Variants in CPQ observed in about 807,000 individuals in gnomAD.
The protein encoded by CPQ is Ser-Met dipeptidase.
Under a neutral mutation model 45.7 loss-of-function variants are expected in CPQ, and 37 were observed. That is an observed-to-expected ratio of 0.81 (90% CI 0.62 to 1.07). CPQ has a LOEUF of 1.07. Among genes scored for constraint, CPQ ranks in the 50% least tolerant of loss-of-function variants. CPQ has a pLI of 0.00. For missense variants in CPQ, 537 were observed against 572.9 expected, an observed-to-expected ratio of 0.94 and a Z score of 0.64; for synonymous variants, 186 against 205.8, an observed-to-expected ratio of 0.90 and a Z score of 0.82.
chr8:96,853,232 G>A, intron 3 of CPQ, among the ~76,000 whole-genome samples: 1 of 152,210 alleles, frequency 6.6e-6, no homozygotes, highest in Middle Eastern at 3.2e-3. Flanking sequence ...AAGGTATTTA[G>A]TAGAAGGTGT....
At chr8:96,855,184 A>G (rs1811830417) in intron 3 of CPQ, among the ~76,000 whole-genome samples, 1 of 152,188 alleles carries the variant, frequency 6.6e-6, no homozygotes, top group Non-Finnish European at 1.5e-5. Context: ...AGTTTAAATG[A>G]TAATCTCTTC....
chr8:96,998,272 A>G (rs1809209503), intron 5 of CPQ, among the ~76,000 whole-genome samples: 1 of 152,020 alleles, frequency 6.6e-6, no homozygotes, highest in South Asian at 2.1e-4. Flanking sequence ...GAACATGCAG[A>G]TTCAAAAGAC....
At chr8:97,058,453 T>G (rs1258254655) in intron 6 of CPQ, among the ~76,000 whole-genome samples, 1 of 152,060 alleles carries the variant, frequency 6.6e-6, no homozygotes, top group Non-Finnish European at 1.5e-5. Context: ...AAACACATCT[T>G]TATGTGTTGG....
intron 6 of CPQ, among the ~76,000 whole-genome samples, chr8:97,039,061 T>G (rs1380007023): frequency 6.6e-6 from 1 of 152,172 alleles, no homozygotes; most frequent in Non-Finnish European, 1.5e-5. Context: ...TTTACAAGGT[T>G]GCAGTTGTTT....
chr8:96,887,593 AC>A (rs1279673092), intron 4 of CPQ, among the ~76,000 whole-genome samples: 1 of 151,634 alleles, frequency 6.6e-6, no homozygotes, highest in Non-Finnish European at 1.5e-5. Flanking sequence ...CCTAAACTGG[AC>A]TCTCTCTCAC....
At chr8:96,784,841 C>T (rs1810739808) in intron 1 of CPQ, 23 bp from the exon 2 acceptor site, 2 of 1,504,896 alleles carry the variant, frequency 1.3e-6, no homozygotes, top group Non-Finnish European at 1.8e-6. Flanking sequence ...TCCCCTAAAA[C>T]ATAATGTTTC....
chr8:96,678,853 C>G (rs1809111148), intron 1 of CPQ, among the ~76,000 whole-genome samples: 1 of 141,314 alleles, frequency 7.1e-6, no homozygotes, highest in South Asian at 2.3e-4. Flanking sequence ...AATATTTTCT[C>G]TCATACTGCA....
intron 1 of CPQ, among the ~76,000 whole-genome samples, chr8:96,651,274 C>T (rs1280776456): frequency 6.6e-6 from 1 of 152,172 alleles, no homozygotes; most frequent in Non-Finnish European, 1.5e-5. Flanking sequence ...AGTTAGACCA[C>T]AAGAAAGTCA....
At chr8:96,819,140 A>G (rs1456023042) in intron 2 of CPQ, among the ~76,000 whole-genome samples, 1 of 152,112 alleles carries the variant, frequency 6.6e-6, no homozygotes, top group African/African-American at 2.4e-5. Context: ...TAGAAAAATT[A>G]TCATCACACA....
chr8:96,837,817 C>G (rs1811550859), intron 3 of CPQ, among the ~76,000 whole-genome samples: 1 of 152,010 alleles, frequency 6.6e-6, no homozygotes, highest in Admixed American at 6.6e-5. Flanking sequence ...GTCACATGGT[C>G]CTTTATTGCT....
chr8:97,056,782 G>A (rs148076824), intron 6 of CPQ, among the ~76,000 whole-genome samples: 3 of 152,248 alleles, frequency 2.0e-5, no homozygotes, highest in Non-Finnish European at 2.9e-5. Context: ...TCAAGTGCCC[G>A]TTAGCTAGGT....
intron 1 of CPQ, among the ~76,000 whole-genome samples, chr8:96,703,045 T>C (rs1809488758): frequency 6.6e-6 from 1 of 152,186 alleles, no homozygotes; most frequent in African/African-American, 2.4e-5. Flanking sequence ...AGATATTAAA[T>C]ATGATATTTA....
chr8:96,727,696 A>C (rs1349292992), intron 1 of CPQ, among the ~76,000 whole-genome samples: 2 of 152,062 alleles, frequency 1.3e-5, no homozygotes, highest in Non-Finnish European at 2.9e-5. Flanking sequence ...TGACACATTC[A>C]AATGCTTATA....
intron 1 of CPQ, among the ~76,000 whole-genome samples, chr8:96,743,809 C>T (rs1810131658): frequency 6.6e-6 from 1 of 152,152 alleles, no homozygotes; most frequent in African/African-American, 2.4e-5. Flanking sequence ...GTCAGGGACC[C>T]ACTTGCGGAG....
chr8:96,868,259 T>C (rs547039176), intron 3 of CPQ, among the ~76,000 whole-genome samples: 10 of 152,096 alleles, frequency 6.6e-5, no homozygotes, highest in Non-Finnish European at 1.3e-4. Flanking sequence ...CTGTTTGTTA[T>C]CAGTGAATAA....
intron 1 of CPQ, among the ~76,000 whole-genome samples, chr8:96,756,897 A>G (rs568718802): frequency 6.7e-4 from 102 of 152,044 alleles, no homozygotes; most frequent in Non-Finnish European, 7.6e-4. Context: ...TTTTAAGAAC[A>G]TTTCTTTTTC....
intron 3 of CPQ, among the ~76,000 whole-genome samples, chr8:96,876,725 C>T (rs1003096191): frequency 6.6e-6 from 1 of 152,180 alleles, no homozygotes; most frequent in Admixed American, 6.5e-5. Context: ...TAGTATATTA[C>T]ATCAATTGAT....
rs182094609 is a variant in CPQ, at chr8:96,695,992, G to C, written c.-35+50590G>C. 2.3e-3 allele frequency among the ~76,000 whole-genome samples: 350 copies of C among 149,990 alleles called. 4 individuals carry two copies. Among genetic ancestry groups the C allele is most frequent in the South Asian group, 0.012 (56 of 4,764 alleles). Reference sequence around the variant, plus strand: ...TGCTGCTATAAAGACACATGCACACGTATGTTTATTGTGGCATTATTCACA... The same window carrying C: ...TGCTGCTATAAAGACACATGCACACCTATGTTTATTGTGGCATTATTCACA... On this transcript the variant is annotated intron_variant, in intron 1 of 7. Coordinates refer to ENST00000220763, the MANE Select transcript of CPQ (RefSeq NM_016134.4).
At chr8:96,901,337 C>T (rs973819171) in intron 4 of CPQ, among the ~76,000 whole-genome samples, 1 of 152,124 alleles carries the variant, frequency 6.6e-6, no homozygotes, top group African/African-American at 2.4e-5. Context: ...CCTTCCCCTC[C>T]CTTTCTCAGG....
Sources: gnomAD v4.1 joint callset for allele counts (sites outside exome capture counted in the v4.1 genomes callset) on GRCh38, gnomAD v4.1.1 for gene constraint, MANE v1.5 for transcripts, NCBI Gene and HGNC (gene_info 2026-07-23, HGNC 2026-07-21) for gene names.